The following LPA variants were observed in gnomAD, a reference collection of about 807,000 sequenced individuals.
LPA encodes apolipoprotein(a).
Under a neutral mutation model 197.9 loss-of-function variants are expected in LPA, and 199 were observed. That is an observed-to-expected ratio of 1.01 (90% CI 0.90 to 1.13). The LOEUF (loss-of-function observed/expected upper bound fraction) is 1.13. Ranked by LOEUF, LPA falls within the 50% of genes most tolerant of loss-of-function variation. The pLI is 0.00. For missense variants in LPA, 1,853 were observed against 1,785.8 expected (o/e 1.04, Z -0.68); for synonymous variants, 715 against 639.5 (o/e 1.12, Z -1.78).
At chr6:160,555,116 A>G (rs9364559) in intron 30 of LPA, among the ~76,000 whole-genome samples, 25,336 of 151,508 alleles carry the variant, frequency 0.17, 2,524 homozygotes, top group East Asian at 0.33. Context: ...TAATCTCCAT[A>G]TCTGTTTACT....
intron 26 of LPA, among the ~76,000 whole-genome samples, chr6:160,583,816 T>G (rs1453284741): frequency 6.6e-6 from 1 of 152,184 alleles, no homozygotes; most frequent in Non-Finnish European, 1.5e-5. Context: ...GTGGAATGCT[T>G]TGGTTAAAAC....
At chr6:160,607,366 C>A (rs1008005614) in intron 16 of LPA, among the ~76,000 whole-genome samples, 1 of 152,114 alleles carries the variant, frequency 6.6e-6, no homozygotes, top group Non-Finnish European at 1.5e-5. Flanking sequence ...CTGGGCAGGA[C>A]CTTCTCTCCT....
chr6:160,608,786 C>A (rs1239224024), intron 16 of LPA, among the ~76,000 whole-genome samples: 1 of 150,330 alleles, frequency 6.7e-6, no homozygotes, highest in Non-Finnish European at 1.5e-5. Context: ...CTGTGAGGTT[C>A]GGTTGGTTTT....
chr6:160,548,829 G>T (rs1478377014), intron 30 of LPA, among the ~76,000 whole-genome samples, 170 bp from the exon 31 acceptor site: 7 of 152,128 alleles, frequency 4.6e-5, no homozygotes, highest in Non-Finnish European at 8.8e-5. Flanking sequence ...TCCCATTTGT[G>T]CATGCCTTTC....
At chr6:160,556,765 A>G (rs1393960379) in intron 29 of LPA, among the ~76,000 whole-genome samples, 1 of 152,150 alleles carries the variant, frequency 6.6e-6, no homozygotes, top group Non-Finnish European at 1.5e-5. Context: ...GCATTGCAAC[A>G]AAGCAGAAGT....
chr6:160,597,985 T>C (rs1779164915), intron 20 of LPA, among the ~76,000 whole-genome samples: 2 of 152,236 alleles, frequency 1.3e-5, no homozygotes, highest in African/African-American at 2.4e-5. Context: ...GATTTGCTTT[T>C]CAGCTTTGCT....
rs569939762 is a variant in LPA at position 160,646,843 on chromosome 6, G to T, written c.210-448C>A. 8.6e-5 allele frequency among the ~76,000 whole-genome samples: 13 copies of T among 150,662 alleles called. No homozygotes were observed. The East Asian group carries it at 2.3e-3, about 27-fold the overall frequency. On this transcript the variant is annotated intron_variant, in intron 2 of 38. Transcript: ENST00000316300. Reference sequence around the variant, plus strand: ...TAGGACTTCATATTCTAATGTGGGAGTTGCAACGAACATGTAGTTCTTCAG... The same window carrying T: ...TAGGACTTCATATTCTAATGTGGGATTTGCAACGAACATGTAGTTCTTCAG...
chr6:160,532,980 T>G lies in LPA; in HGVS notation c.5843-331A>C, dbSNP rs867702892. ...GTCTGAGAAATACAATTGCTATTCT[T>G]TTTATATACTTTTTTCAGATTTTTA... On this transcript the variant is annotated intron_variant, in intron 37 of 38. Transcript: ENST00000316300. 5.9e-5 allele frequency among the ~76,000 whole-genome samples: 9 copies of G among 152,338 alleles called. 1 individual carries two copies. The highest frequency in any genetic ancestry group is 4.1e-4 in the South Asian group (2 of 4,832).
At chr6:160,591,283 G>A (rs146791552) in intron 22 of LPA, among the ~76,000 whole-genome samples, 182 bp from the exon 23 acceptor site, 1 of 152,266 alleles carries the variant, frequency 6.6e-6, no homozygotes, top group African/African-American at 2.4e-5. Flanking sequence ...TTCAAAGACA[G>A]ATTATCATTC....
intron 27 of LPA, among the ~76,000 whole-genome samples, chr6:160,578,294 G>C (rs1778722742): frequency 6.6e-6 from 1 of 151,996 alleles, no homozygotes; most frequent in Non-Finnish European, 1.5e-5. Flanking sequence ...CCAGTGCCCT[G>C]GCGGGTCTGT....
At position 160,557,547 on chromosome 6, in the gene LPA, C is replaced by A. The variant is rs374160113; in HGVS notation, c.4656G>T (p.Arg1552Ser). The A allele has an allele frequency of 3.7e-6, 6 of 1,613,980 alleles. No homozygotes were observed. In the South Asian group the frequency reaches 4.4e-5, roughly 12 times the overall value. Residue 1552 changes from arginine (R) to serine (S), a missense_variant, in exon 29 of 39, where the codon AGG (arginine) becomes AGT (serine). Coordinates refer to ENST00000316300, the MANE Select transcript of LPA (RefSeq NM_005577.4). ...PNAGLTENYCRNPDSGKQPWC... is the reference protein window; with the variant it reads ...PNAGLTENYCSNPDSGKQPWC... ...AGGGTTGTTTCCCAGAATCTGGATT[C>A]CTGCAGTAGTTCTCGGTCAGGCCAC...
At chr6:160,587,502 A>G (rs116137700) in intron 24 of LPA, among the ~76,000 whole-genome samples, 207 of 152,282 alleles carry the variant, frequency 1.4e-3, no homozygotes, top group African/African-American at 4.7e-3. Flanking sequence ...GAGGCAACTT[A>G]ACTATGATAT....
chr6:160,589,678 G>C lies in LPA; in HGVS notation c.3822C>G (p.Cys1274Trp). 1 of 1,613,938 alleles carries C rather than the reference G, an allele frequency of 6.2e-7. No homozygotes were observed. The highest frequency in any genetic ancestry group is 1.1e-5 in the South Asian group (1 of 91,080). The change falls in exon 24 of 39, where the codon TGC becomes TGG. Residue 1274 changes from cysteine to tryptophan, a missense_variant. Around this residue, in one of 3 missense-constraint regions of LPA, gnomAD observed 1,737 missense variants for 1,504.4 expected, o/e 1.15. Transcript: ENST00000316300. ...PTEQSPTVQD[C>W]YHGDGQSYRG... The stretch of plus-strand genomic sequence containing the variant: ...GATAACTCTGTCCATCACCATGGTA[G>C]CAGTCCTGGACTGTGGGGCTTTGCT...
At position 160,600,905 on chromosome 6, in the gene LPA, A is replaced by C. The variant is rs753053304; in HGVS notation, c.3127+12T>G. 4.3e-6 allele frequency: 7 copies of C among 1,612,066 alleles called. No homozygotes were observed. Among genetic ancestry groups the C allele is most frequent in the Admixed American group, 1.7e-5 (1 of 60,008 alleles). ...GCATCCAAGCAGGTAAATGTCTGGCACAACTTCTTACCTTGTTCAAAAAAA... is the reference window on the plus strand; with the variant it reads ...GCATCCAAGCAGGTAAATGTCTGGCCCAACTTCTTACCTTGTTCAAAAAAA... On this transcript the variant is annotated intron_variant, in intron 19 of 38. Transcript: ENST00000316300.
intron 17 of LPA, among the ~76,000 whole-genome samples, chr6:160,605,687 T>A (rs754078700): frequency 4.8e-4 from 73 of 152,012 alleles, no homozygotes; most frequent in Non-Finnish European, 1.0e-3. Context: ...AAAGGCAAGG[T>A]CTTCAGCTTC....
At chr6:160,610,784 G>T (rs537964579) in intron 16 of LPA, among the ~76,000 whole-genome samples, 2 of 152,188 alleles carry the variant, frequency 1.3e-5, no homozygotes, top group Admixed American at 6.5e-5. Context: ...GTGCAGGAAG[G>T]GTATCCAGGA....
chr6:160,610,166 T>A (rs550645215), intron 16 of LPA, among the ~76,000 whole-genome samples: 1 of 152,238 alleles, frequency 6.6e-6, no homozygotes, highest in Non-Finnish European at 1.5e-5. Flanking sequence ...ACGAAATTCT[T>A]TTCTACACGT....
Position 160,577,324 on chromosome 6 carries a change from C to G in LPA, c.4472-29G>C. The G allele has an allele frequency of 1.9e-6, 3 of 1,607,134 alleles. No homozygotes were observed. The South Asian group carries it at 3.3e-5, about 18-fold the overall frequency. ...AAATTAAAATAAAATAAATCATACT[C>G]AGTAATTGCATGAGCAGAGAAACAT... On this transcript the variant is annotated intron_variant, in intron 27 of 38. Coordinates refer to ENST00000316300, the MANE Select transcript of LPA (RefSeq NM_005577.4).
rs1274003271 is a variant in LPA, at chr6:160,606,529, G to A, written c.2733C>T (p.Val911=). 2 of 1,613,600 alleles carry A rather than the reference G, an allele frequency of 1.2e-6. No homozygotes were observed. Among genetic ancestry groups the A allele is most frequent in the Non-Finnish European group, 1.7e-6 (2 of 1,179,942 alleles). The change falls in exon 17 of 39, where the codon GTC becomes GTT. Residue 911 remains valine, a synonymous_variant. Coordinates refer to ENST00000316300, the MANE Select transcript of LPA (RefSeq NM_005577.4). Reference sequence around the variant, plus strand: ...GAATCGGGGTAATAGTTGGAGGCGCGACGGCAGTCCCTTCTGCGTCTGAGC... The same window carrying A: ...GAATCGGGGTAATAGTTGGAGGCGCAACGGCAGTCCCTTCTGCGTCTGAGC... ...TQCSDAEGTA[V]APPTITPIPS... is the part of the protein sequence containing the mutation.
Sources: allele counts gnomAD v4.1 joint callset (sites outside exome capture counted in the v4.1 genomes callset), GRCh38; gene constraint gnomAD v4.1.1; regional missense constraint gnomAD v4.1.1; transcripts MANE v1.5; gene names NCBI Gene and HGNC (gene_info 2026-07-23, HGNC 2026-07-21).